Variants in DIP2C observed in about 807,000 individuals in gnomAD.
The protein encoded by DIP2C is DIP2 acetate--CoA ligase C (putative).
Under a neutral mutation model 192.4 loss-of-function variants are expected in DIP2C, and 33 were observed. The observed-to-expected ratio is 0.17, with a 90% CI of 0.13 to 0.23. The LOEUF is 0.23. DIP2C is among the 10% of genes least tolerant of loss of function. The pLI is 1.00. For missense variants in DIP2C, 1,537 were observed against 2,110.1 expected (o/e 0.73, Z 5.32); for synonymous variants, 979 against 864.1 (o/e 1.13, Z -2.33).
intron 1 of DIP2C, among the ~76,000 whole-genome samples, chr10:654,809 C>T (rs1389352798): frequency 2.0e-5 from 3 of 152,136 alleles, no homozygotes. Flanking sequence ...CCCCATGCTG[C>T]GCGAGGCTAC....
chr10:558,924 C>T (rs889585183), intron 1 of DIP2C, among the ~76,000 whole-genome samples: 16 of 151,914 alleles, frequency 1.1e-4, no homozygotes, highest in African/African-American at 3.6e-4. Context: ...ACGGACCACC[C>T]GACCCCTCCC....
chr10:510,016 G>T (rs376716257), intron 1 of DIP2C, among the ~76,000 whole-genome samples: 1 of 152,204 alleles, frequency 6.6e-6, no homozygotes, highest in Non-Finnish European at 1.5e-5. Flanking sequence ...GGGGTGCAGC[G>T]CGGCCTGCAG....
chr10:678,228 A>G (rs1340183892), intron 1 of DIP2C, among the ~76,000 whole-genome samples: 1 of 152,164 alleles, frequency 6.6e-6, no homozygotes, highest in African/African-American at 2.4e-5. Flanking sequence ...ACTCAAACCT[A>G]AAACAGGCCA....
At chr10:310,171 A>G in intron 31 of DIP2C, 79 bp from the exon 32 acceptor site, 3 of 1,314,456 alleles carry the variant, frequency 2.3e-6, no homozygotes, top group Non-Finnish European at 3.2e-6. Flanking sequence ...GTTAGGAAAC[A>G]TTTCTTTTGT....
chr10:285,729 T>A (rs568710927), intron 34 of DIP2C, among the ~76,000 whole-genome samples: 10 of 152,280 alleles, frequency 6.6e-5, no homozygotes, highest in African/African-American at 1.7e-4. Flanking sequence ...TCTAGCTGCA[T>A]CCCGCCAGTG....
chr10:649,816 G>A, intron 1 of DIP2C: 1 of 434,586 alleles, frequency 2.3e-6, no homozygotes, highest in Non-Finnish European at 4.1e-6. Context: ...GGGTCTTTCT[G>A]GCAGAAAACC....
At chr10:498,918 G>A (rs1845039819) in intron 1 of DIP2C, among the ~76,000 whole-genome samples, 1 of 152,202 alleles carries the variant, frequency 6.6e-6, no homozygotes, top group Non-Finnish European at 1.5e-5. Context: ...ATTTTCTATG[G>A]TGTTACTTAT....
intron 24 of DIP2C, among the ~76,000 whole-genome samples, chr10:355,466 G>A (rs970293296): frequency 6.6e-6 from 1 of 152,174 alleles, no homozygotes; most frequent in Non-Finnish European, 1.5e-5. Context: ...TTGATACTCA[G>A]CAATTCTAAA....
intron 1 of DIP2C, among the ~76,000 whole-genome samples, chr10:620,108 T>C (rs1258691507): frequency 6.6e-6 from 1 of 152,204 alleles, no homozygotes; most frequent in Non-Finnish European, 1.5e-5. Context: ...TGTGGCTGAA[T>C]GTATTTACGG....
In DIP2C at chr10:345,118, C is replaced by G. The variant is rs371823831; in HGVS notation, c.3232-8G>C. 5.0e-6 allele frequency: 8 copies of G among 1,608,198 alleles called. No homozygotes were observed. The highest frequency in any genetic ancestry group is 6.8e-6 in the Non-Finnish European group (8 of 1,178,668). On this transcript the variant is annotated splice_polypyrimidine_tract_variant and splice_region_variant and intron_variant, in intron 26 of 36. Coordinates refer to ENST00000280886, the MANE Select transcript of DIP2C (RefSeq NM_014974.3). ...ACAGGCAGAGCGACTCACCTGGCAT[C>G]AGAGAGCGAGAATGGAGCCATGAAC...
chr10:299,139 TACACAATGTGC>T (rs1955896152), intron 32 of DIP2C, among the ~76,000 whole-genome samples: 1 of 152,234 alleles, frequency 6.6e-6, no homozygotes, highest in South Asian at 2.1e-4. Context: ...CACCCCATCT[TACACAATGTGC>T]ACACACAGTT....
At position 295,221 on chromosome 10, in the gene DIP2C, G is replaced by C. The variant is rs923340597; in HGVS notation, c.3987-6800C>G. The stretch of plus-strand genomic sequence containing the variant: ...GCTGCTTATACTTATTGTTACTAGG[G>C]AGGCAAAAGTCAAAACTACAATGAG... On this transcript the variant is annotated intron_variant, in intron 32 of 36. Coordinates refer to ENST00000280886, the MANE Select transcript of DIP2C (RefSeq NM_014974.3). Among the ~76,000 whole-genome samples the C allele has an allele frequency of 2.0e-5, 3 of 152,072 alleles. No homozygotes were observed. In the East Asian group the frequency reaches 5.8e-4, roughly 29 times the overall value.
chr10:493,064 G>A (rs1323193985), intron 1 of DIP2C, among the ~76,000 whole-genome samples: 1 of 152,230 alleles, frequency 6.6e-6, no homozygotes. Flanking sequence ...GGAGACTCCT[G>A]TCCTACTGCA....
intron 1 of DIP2C, among the ~76,000 whole-genome samples, chr10:634,102 G>C (rs1053410421): frequency 6.6e-6 from 1 of 152,136 alleles, no homozygotes; most frequent in Non-Finnish European, 1.5e-5. Context: ...TAGTGATCCC[G>C]CATTATGAAG....
At chr10:600,964 C>G (rs923007178) in intron 1 of DIP2C, among the ~76,000 whole-genome samples, 1 of 152,180 alleles carries the variant, frequency 6.6e-6, no homozygotes, top group Non-Finnish European at 1.5e-5. Context: ...TGTGGTGTCA[C>G]GTGCACACAT....
intron 1 of DIP2C, among the ~76,000 whole-genome samples, chr10:643,116 C>T (rs1271472223): frequency 2.0e-5 from 3 of 151,388 alleles, no homozygotes; most frequent in East Asian, 3.9e-4. Context: ...GGCAGGACAA[C>T]GGCTTGAACC....
intron 17 of DIP2C, among the ~76,000 whole-genome samples, chr10:380,810 TTAA>T (rs1962300354): frequency 6.6e-6 from 1 of 152,348 alleles, no homozygotes; most frequent in East Asian, 1.9e-4. Flanking sequence ...CGTTTTTCAC[TTAA>T]TAACCTGGCC....
At chr10:471,074 C>CGG (rs1160367016) in intron 3 of DIP2C, among the ~76,000 whole-genome samples, 2 of 152,072 alleles carry the variant, frequency 1.3e-5, no homozygotes, top group African/African-American at 4.8e-5. Context: ...CAATATGTGT[C>CGG]GGGGCTTAAG....
In DIP2C at chr10:274,955, T is replaced by C. The variant is rs546025301; in HGVS notation, c.*2370A>G. ...GAAACTGGTGGTACTAAGTGTCTCCTTTCCTTTCTCTTGCACAACCAAATT... is the reference window on the plus strand; with the variant it reads ...GAAACTGGTGGTACTAAGTGTCTCCCTTCCTTTCTCTTGCACAACCAAATT... On this transcript the variant is annotated 3_prime_UTR_variant, in exon 37 of 37. Transcript: ENST00000280886. The C allele has an allele frequency of 3.3e-5, 5 of 152,360 alleles. No individual in the cohort carries two copies. The East Asian group carries it at 9.6e-4, about 29-fold the overall frequency. 9.4% of individuals were successfully genotyped at this position (152,360 alleles called of 1,614,324 possible).
Sources: allele counts gnomAD v4.1 joint callset (sites outside exome capture counted in the v4.1 genomes callset), GRCh38; gene constraint gnomAD v4.1.1; transcripts MANE v1.5; gene names NCBI Gene and HGNC (gene_info 2026-07-23, HGNC 2026-07-21).